Variants in ISYNA1 observed in about 807,000 individuals in gnomAD.
The protein encoded by ISYNA1 is MI-1-P synthase.
Under a neutral mutation model 50.3 loss-of-function variants are expected in ISYNA1, and 34 were observed. The observed-to-expected ratio is 0.68, with a 90% confidence interval of 0.51 to 0.90. The LOEUF is 0.90. ISYNA1 is among the 40% of genes least tolerant of loss of function. ISYNA1 has a pLI of 0.00. For synonymous variants in ISYNA1, 396 were observed against 349.9 expected (o/e 1.13, Z -1.47); for missense variants, 718 against 784.8 (o/e 0.91, Z 1.02).
At chr19:18,435,956 C>T (rs755372175) in intron 7 of ISYNA1, 35 bp from the exon 8 acceptor site, 5 of 1,613,126 alleles carry the variant, frequency 3.1e-6, no homozygotes, top group Non-Finnish European at 4.2e-6. Flanking sequence ...CAGCTGCAGG[C>T]CCTGCGGCCC....
At chr19:18,435,228 T>G in intron 10 of ISYNA1, 38 bp downstream of exon 10, 1 of 1,597,080 alleles carries the variant, frequency 6.3e-7, no homozygotes, top group Non-Finnish European at 8.5e-7. Flanking sequence ...CAGGGGGGTA[T>G]CTGGGCCCCG....
chr19:18,438,024 C>T, intron 1 of ISYNA1, 36 bp from the exon 2 acceptor site: 1 of 1,522,722 alleles, frequency 6.6e-7, no homozygotes, highest in Non-Finnish European at 8.8e-7. Flanking sequence ...TCAGCGGGGA[C>T]TCTAAGCGGC....
chr19:18,435,879 C>A lies in ISYNA1; in HGVS notation c.1018G>T (p.Gly340Trp). The change falls in exon 8 of 11, where the codon GGG becomes TGG. Residue 340 changes from glycine to tryptophan, a missense_variant. Around this residue, in one of 3 missense-constraint regions of ISYNA1, gnomAD observed 10 missense variants for 25.6 expected, o/e 0.39. Coordinates refer to ENST00000338128, the MANE Select transcript of ISYNA1 (RefSeq NM_016368.5). Reference sequence around the variant, plus strand: ...TGCAATGGCGCCGATAGGTTCTCCCCATCGTTGTTGCCCAGGTGGTTGTAA... The same window carrying A: ...TGCAATGGCGCCGATAGGTTCTCCCAATCGTTGTTGCCCAGGTGGTTGTAA... ...VSYNHLGNND[G>W]ENLSAPLQFR... 1 of 1,614,072 alleles carries A rather than the reference C, an allele frequency of 6.2e-7. No homozygotes were observed. The highest frequency in any genetic ancestry group is 8.5e-7 in the Non-Finnish European group (1 of 1,179,972).
chr19:18,437,138 T>C (rs1209405343), intron 3 of ISYNA1, 33 bp from the exon 4 acceptor site: 8 of 1,539,920 alleles, frequency 5.2e-6, no homozygotes, highest in Non-Finnish European at 7.0e-6. Context: ...AGGTGACGGG[T>C]GGGAGTGGTG....
rs879283286 is a variant in ISYNA1, at chr19:18,435,781, C to T, written c.1116G>A (p.Thr372=). The T allele has an allele frequency of 1.2e-6, 2 of 1,613,496 alleles. No homozygotes were observed. Among genetic ancestry groups the T allele is most frequent in the East Asian group, 4.5e-5 (2 of 44,882 alleles). Residue 372 remains threonine (T), a synonymous_variant, in exon 8 of 11, where the codon ACG becomes ACA. Transcript: ENST00000338128. ...DMVQSNPVLY[T]PGEEPDHCVV... The stretch of plus-strand genomic sequence containing the variant: ...CGCAGTGGTCAGGCTCTTCGCCGGG[C>T]GTATAGAGCACTGGGTTGCTCTGCA...
At position 18,437,630 on chromosome 19, in the gene ISYNA1, C is replaced by A; in HGVS notation, c.251G>T (p.Arg84Leu). ...GCCGCTGCGCGTGGGCCAGGACAAACGCAGTCGATTGGCCAGCACCGCGGC... is the reference window on the plus strand; with the variant it reads ...GCCGCTGCGCGTGGGCCAGGACAAAAGCAGTCGATTGGCCAGCACCGCGGC... ...LTAAVLANRLRLSWPTRSGRK... is the reference protein window; with the variant it reads ...LTAAVLANRLLLSWPTRSGRK... Residue 84 changes from arginine to leucine, a missense_variant, in exon 3 of 11, where the codon CGT becomes CTT. This residue lies in a region of ISYNA1 where 403 missense variants were observed against 466.6 expected (regional missense o/e 0.86). Coordinates refer to ENST00000338128, the MANE Select transcript of ISYNA1 (RefSeq NM_016368.5). 7.0e-7 allele frequency: 1 copy of A among 1,419,026 alleles called. No individual in the cohort carries two copies. The highest frequency in any genetic ancestry group is 9.3e-7 in the Non-Finnish European group (1 of 1,072,762). 87.9% of individuals were successfully genotyped at this position (1,419,026 alleles called of 1,614,324 possible).
Position 18,438,007 on chromosome 19 carries a change from CA to C in ISYNA1, c.-9-20del. On this transcript the variant is annotated intron_variant, in intron 1 of 10. Transcript: ENST00000338128. Reference sequence around the variant, plus strand: ...CGGCGGGCTGGGGGCCCGGGGTGAGCAGGGGGTCAGCGGGGACTCTAAGCGG... The same window carrying C: ...CGGCGGGCTGGGGGCCCGGGGTGAGCGGGGGTCAGCGGGGACTCTAAGCGG... 1 of 1,542,978 alleles carries C rather than the reference CA, an allele frequency of 6.5e-7. No homozygotes were observed. The highest frequency in any genetic ancestry group is 8.7e-7 in the Non-Finnish European group (1 of 1,147,154).
At chr19:18,435,201 C>G (rs768603166) in intron 10 of ISYNA1, 65 bp downstream of exon 10, 5 of 1,592,026 alleles carry the variant, frequency 3.1e-6, no homozygotes, top group Non-Finnish European at 4.3e-6. Context: ...CCCCCCAAGC[C>G]CTGTGCATAG....
At position 18,435,802 on chromosome 19, in the gene ISYNA1, C is replaced by G; in HGVS notation, c.1095G>C (p.Gln365His). The G allele has an allele frequency of 5.0e-6, 8 of 1,613,806 alleles. No homozygotes were observed. The highest frequency in any genetic ancestry group is 6.8e-6 in the Non-Finnish European group (8 of 1,179,942). ...SKSNVVDDMV[Q>H]SNPVLYTPGE... Reference sequence around the variant, plus strand: ...CGGGCGTATAGAGCACTGGGTTGCTCTGCACCATGTCGTCCACCACGTTGC... The same window carrying G: ...CGGGCGTATAGAGCACTGGGTTGCTGTGCACCATGTCGTCCACCACGTTGC... The change falls in exon 8 of 11, where the codon CAG (glutamine) becomes CAC (histidine). Residue 365 changes from glutamine (Q) to histidine (H), a missense_variant. Coordinates refer to ENST00000338128, the MANE Select transcript of ISYNA1 (RefSeq NM_016368.5).
In ISYNA1 at chr19:18,436,995, C is replaced by A. The variant is rs779951043; in HGVS notation, c.393G>T (p.Ala131=). ...VPFSAVLPMV[A]PNDLVFDGWD... ...CACCATCGAACACGAGGTCGTTGGG[C>A]GCCACCATGGGCAGCACCGCGCTGA... Residue 131 remains alanine (A), a synonymous_variant, in exon 4 of 11, where the codon GCG becomes GCT. Transcript: ENST00000338128. 3.2e-5 allele frequency: 50 copies of A among 1,576,990 alleles called. No homozygotes were observed. In the South Asian group the frequency reaches 5.1e-4, roughly 16 times the overall value.
intron 3 of ISYNA1, 87 bp from the exon 4 acceptor site, chr19:18,437,192 C>T: frequency 2.7e-6 from 4 of 1,471,522 alleles, no homozygotes; most frequent in Non-Finnish European, 3.6e-6. Context: ...ACTCTCAAGC[C>T]CCGCCCCACT....
chr19:18,436,947 C>T lies in ISYNA1; in HGVS notation c.415+26G>A, dbSNP rs761197113. On this transcript the variant is annotated intron_variant, in intron 4 of 10. Coordinates refer to ENST00000338128, the MANE Select transcript of ISYNA1 (RefSeq NM_016368.5). ...TCCAGACCCCATCTCCCATCCCGCC[C>T]CACCCCGGCCCAGGGCTCCGCCCAC... 4.4e-6 allele frequency: 7 copies of T among 1,606,432 alleles called. No homozygotes were observed. In the Admixed American group the frequency reaches 8.4e-5, roughly 19 times the overall value.
chr19:18,437,523 C>T (rs1974110939), intron 3 of ISYNA1, 76 bp downstream of exon 3: 4 of 1,035,692 alleles, frequency 3.9e-6, no homozygotes, highest in Non-Finnish European at 5.2e-6. Flanking sequence ...AGAGCCCCGC[C>T]CCCTGCAGGC....
rs753676609 is a variant in ISYNA1 at position 18,437,124 on chromosome 19, G to C, written c.283-19C>G. ...TGGCCTCCTGGGGGTCAGCAGACAC[G>C]GCGAGGTGACGGGTGGGAGTGGTGA... is the stretch of plus-strand genomic sequence containing the variant. On this transcript the variant is annotated intron_variant, in intron 3 of 10. Coordinates refer to ENST00000338128, the MANE Select transcript of ISYNA1 (RefSeq NM_016368.5). 19 of 1,554,430 alleles carry C rather than the reference G, an allele frequency of 1.2e-5. No individual in the cohort carries two copies. The East Asian group carries it at 2.1e-4, about 18-fold the overall frequency.
At chr19:18,436,565 G>T (rs917332506) in intron 5 of ISYNA1, 86 bp from the exon 6 acceptor site, 9 of 1,595,834 alleles carry the variant, frequency 5.6e-6, no homozygotes, top group Non-Finnish European at 7.7e-6. Flanking sequence ...ACAGAGGCCT[G>T]GGCTACTCAG....
At position 18,436,095 on chromosome 19, in the gene ISYNA1, G is replaced by A. The variant is rs770526526; in HGVS notation, c.912C>T (p.Phe304=). ...QHRVFVGGDD[F]KSGQTKVKSV... is the part of the protein sequence containing the mutation. Reference sequence around the variant, plus strand: ...ACTTGACTTTGGTCTGGCCTGACTTGAAGTCATCTCCGCCCACAAAAACCC... The same window carrying A: ...ACTTGACTTTGGTCTGGCCTGACTTAAAGTCATCTCCGCCCACAAAAACCC... The change falls in exon 7 of 11, where the codon TTC becomes TTT. Residue 304 remains phenylalanine (F), a synonymous_variant. Transcript: ENST00000338128. 2.1e-5 allele frequency: 34 copies of A among 1,613,020 alleles called. No homozygotes were observed. In the Admixed American group the frequency reaches 4.8e-4, roughly 23 times the overall value.
rs1235413298 is a variant in ISYNA1 at position 18,437,745 on chromosome 19, T to G, written c.136A>C (p.Thr46Pro). The G allele has an allele frequency of 1.3e-6, 2 of 1,575,076 alleles. No individual in the cohort carries two copies. Among genetic ancestry groups the G allele is most frequent in the Non-Finnish European group, 1.7e-6 (2 of 1,163,616 alleles). The change falls in exon 3 of 11, where the codon ACG becomes CCG. Residue 46 changes from threonine (T) to proline (P), a missense_variant. Transcript: ENST00000338128. ...GGVLKVHPTSTRFTFRTARQV... is the reference protein window; with the variant it reads ...GGVLKVHPTSPRFTFRTARQV... ...CGGGCGGTCCGGAAGGTGAAGCGCG[T>G]GGACGTGGGGTGCACCTGAAGACAG...
rs1364196281 is a variant in ISYNA1 at position 18,435,928 on chromosome 19, G to A, written c.976-7C>T. The A allele has an allele frequency of 1.2e-6, 2 of 1,613,682 alleles. No homozygotes were observed. The highest frequency in any genetic ancestry group is 1.7e-6 in the Non-Finnish European group (2 of 1,179,910). Reference sequence around the variant, plus strand: ...AACTCACGATGGACATGGTCTGTGGGTACAAGGGAAGCCCCAGCAGCTGCA... The same window carrying A: ...AACTCACGATGGACATGGTCTGTGGATACAAGGGAAGCCCCAGCAGCTGCA... On this transcript the variant is annotated splice_polypyrimidine_tract_variant and splice_region_variant and intron_variant, in intron 7 of 10. Coordinates refer to ENST00000338128, the MANE Select transcript of ISYNA1 (RefSeq NM_016368.5).
intron 5 of ISYNA1, 86 bp downstream of exon 5, chr19:18,436,598 C>T: frequency 6.2e-7 from 1 of 1,600,978 alleles, no homozygotes; most frequent in South Asian, 1.1e-5. Flanking sequence ...CAAGTGAGGC[C>T]TGGATTCGCG....
Sources: gnomAD v4.1 joint callset for allele counts on GRCh38, gnomAD v4.1.1 for gene constraint, gnomAD v4.1.1 regional missense constraint, MANE v1.5 for transcripts, NCBI Gene and HGNC (gene_info 2026-07-23, HGNC 2026-07-21) for gene names.